TOLLIP: variants seen among roughly 807,000 people sequenced by gnomAD.
TOLLIP encodes toll-interacting protein.
TOLLIP carries 16 observed loss-of-function variants against 33.5 expected under a neutral mutation model. That is an observed-to-expected ratio of 0.48 (90% CI 0.32 to 0.72). The LOEUF (loss-of-function observed/expected upper bound fraction) is 0.72. Ranked by LOEUF, TOLLIP falls within the 30% of genes least tolerant of loss-of-function variation. TOLLIP has a pLI of 0.03. For synonymous variants in TOLLIP, 176 were observed against 163.7 expected (o/e 1.07, Z -0.57); for missense variants, 325 against 396.6 (o/e 0.82, Z 1.53).
At position 1,302,473 on chromosome 11, in the gene TOLLIP, T is replaced by C. The variant is rs919869714; in HGVS notation, c.34-6679A>G. ...CTGCCATTGCCCTGTAAGTTTAGCATTTTCCAAAATAAGGCTAGAAGGAAA... is the reference window on the plus strand; with the variant it reads ...CTGCCATTGCCCTGTAAGTTTAGCACTTTCCAAAATAAGGCTAGAAGGAAA... On this transcript the variant is annotated intron_variant, in intron 1 of 5. Coordinates refer to ENST00000317204, the MANE Select transcript of TOLLIP (RefSeq NM_019009.4). 3 of 722,088 alleles carry C rather than the reference T, an allele frequency of 4.2e-6. No individual in the cohort carries two copies. The South Asian group carries it at 1.8e-4, about 44-fold the overall frequency. The allele number at this position is 722,088 out of a possible 1,614,324, so 44.7% of individuals were successfully genotyped here.
At chr11:1,281,039 T>C (rs1192648201) in intron 5 of TOLLIP, among the ~76,000 whole-genome samples, 2 of 152,256 alleles carry the variant, frequency 1.3e-5, no homozygotes, top group Non-Finnish European at 2.9e-5. Flanking sequence ...ACATGCTTCA[T>C]GAGGCCACGC....
rs936636982 is a variant in TOLLIP at position 1,295,719 on chromosome 11, C to T, written c.109G>A (p.Ala37Thr). The part of the protein sequence containing the change: ...TQQQRQVQLD[A>T]QAAQQLQYGG... ...TACTGCAGCTGCTGGGCCGCCTGGG[C>T]GTCCAGCTGGACCTGCCGCTGCTGC... The change falls in exon 2 of 6, where the codon GCC becomes ACC. Residue 37 changes from alanine to threonine, a missense_variant. Coordinates refer to ENST00000317204, the MANE Select transcript of TOLLIP (RefSeq NM_019009.4). The T allele has an allele frequency of 6.8e-6, 11 of 1,610,110 alleles. No individual in the cohort carries two copies. Among genetic ancestry groups the T allele is most frequent in the Admixed American group, 3.3e-5 (2 of 59,750 alleles).
chr11:1,290,403 A>G lies in TOLLIP; in HGVS notation c.190T>C (p.Leu64=). The change falls in exon 3 of 6, where the codon TTG becomes CTG. Residue 64 remains leucine, a synonymous_variant. Transcript: ENST00000317204. This position sits in a 1 kb window ranked among gnomAD's most constrained non-coding sequence, Gnocchi z 4.9. Reference sequence around the variant, plus strand: ...CGGGTCATGCCGTAATTCTTGGCCAACTTTGCCTGGAATGAAGCCAATGTC... The same window carrying G: ...CGGGTCATGCCGTAATTCTTGGCCAGCTTTGCCTGGAATGAAGCCAATGTC... ...RLNITVVQAK[L]AKNYGMTRMD... 1 of 1,610,434 alleles carries G rather than the reference A, an allele frequency of 6.2e-7. No individual in the cohort carries two copies. The highest frequency in any genetic ancestry group is 8.5e-7 in the Non-Finnish European group (1 of 1,177,480).
At chr11:1,307,323 G>A (rs981192799) in intron 1 of TOLLIP, among the ~76,000 whole-genome samples, 1 of 152,214 alleles carries the variant, frequency 6.6e-6, no homozygotes, top group Non-Finnish European at 1.5e-5. Context: ...GAGGCACTGG[G>A]CAAGAGGAGA....
rs1459949990 is a variant in TOLLIP, at chr11:1,287,445, G to A, written c.519+1179C>T. ...GCACCCTCCCCGCCGCAGCCTCCCC[G>A]CCGCACCCTCCCCGCCGCAGCCTCC... is the stretch of plus-strand genomic sequence containing the variant. On this transcript the variant is annotated intron_variant, in intron 4 of 5. Coordinates refer to ENST00000317204, the MANE Select transcript of TOLLIP (RefSeq NM_019009.4). 1.6e-3 allele frequency among the ~76,000 whole-genome samples: 22 copies of A among 13,984 alleles called. 1 individual carries two copies. The highest frequency in any genetic ancestry group is 3.3e-3 in the Non-Finnish European group (21 of 6,344). The allele number at this position is 13,984 out of a possible 152,430, so 9.2% of individuals were successfully genotyped here.
At position 1,290,727 on chromosome 11, in the gene TOLLIP, C is replaced by T. The variant is rs1298116554; in HGVS notation, c.184-318G>A. 6.6e-6 allele frequency among the ~76,000 whole-genome samples: 1 copy of T among 152,154 alleles called. No individual in the cohort carries two copies. Among genetic ancestry groups the T allele is most frequent in the Non-Finnish European group, 1.5e-5 (1 of 68,028 alleles). On this transcript the variant is annotated intron_variant, in intron 2 of 5. Transcript: ENST00000317204. The surrounding 1 kb of genome is among the most constrained non-coding windows in gnomAD (Gnocchi z 4.9). ...AGGGCGCACTCTCTAATGCCCTCCT[C>T]AGAAGTGGCTGAGGAGGGAAAGAGG...
Position 1,276,629 on chromosome 11 carries a change from G to C in TOLLIP, c.*410C>G, listed in dbSNP as rs752257387. ...AAACCCACAGTGTGAGGGATTGTGT[G>C]TGCCTTAAATCAACAGCTCTATTCC... On this transcript the variant is annotated 3_prime_UTR_variant, in exon 6 of 6. Transcript: ENST00000317204. The C allele has an allele frequency of 1.6e-6, 2 of 1,279,782 alleles. No homozygotes were observed. Among genetic ancestry groups the C allele is most frequent in the South Asian group, 2.5e-5 (2 of 80,652 alleles). The allele number at this position is 1,279,782 out of a possible 1,614,324, so 79.3% of individuals were successfully genotyped here.
chr11:1,285,384 C>T (rs1863657107), intron 5 of TOLLIP, among the ~76,000 whole-genome samples: 2 of 152,254 alleles, frequency 1.3e-5, no homozygotes, highest in African/African-American at 4.8e-5. Context: ...CGGCTGGGCC[C>T]ATCCATGGTG....
Position 1,276,647 on chromosome 11 carries a change from T to A in TOLLIP, c.*392A>T. 7.6e-7 allele frequency: 1 copy of A among 1,316,926 alleles called. No homozygotes were observed. Among genetic ancestry groups the A allele is most frequent in the Non-Finnish European group, 9.9e-7 (1 of 1,006,616 alleles). 81.6% of individuals were successfully genotyped at this position (1,316,926 alleles called of 1,614,324 possible). On this transcript the variant is annotated 3_prime_UTR_variant, in exon 6 of 6. Coordinates refer to ENST00000317204, the MANE Select transcript of TOLLIP (RefSeq NM_019009.4). ...ATTGTGTGTGCCTTAAATCAACAGC[T>A]CTATTCCAATTACATCACATCACAA...
At chr11:1,295,938 C>T (rs951311126) in intron 1 of TOLLIP, 144 bp from the exon 2 acceptor site, 11 of 1,105,858 alleles carry the variant, frequency 9.9e-6, no homozygotes, top group Non-Finnish European at 1.2e-5. Context: ...TCAGTTTCCT[C>T]ATCTCTAAAC....
chr11:1,285,432 C>A (rs1590211083), intron 5 of TOLLIP, among the ~76,000 whole-genome samples: 1 of 152,258 alleles, frequency 6.6e-6, no homozygotes, highest in South Asian at 2.1e-4. Flanking sequence ...ACAGTCACAG[C>A]TGGACCGAAA....
intron 1 of TOLLIP, chr11:1,298,174 C>A (rs1490995691): frequency 6.6e-6 from 1 of 152,328 alleles, no homozygotes; most frequent in Admixed American, 6.5e-5. Flanking sequence ...TTATTTGTGA[C>A]AACTGCTTCC....
chr11:1,291,185 CTG>C (rs1564973048), intron 2 of TOLLIP: 1 of 152,294 alleles, frequency 6.6e-6, no homozygotes, highest in Non-Finnish European at 1.5e-5. Context: ...AAACCTAAAA[CTG>C]TAAAACCTTT....
At chr11:1,301,683 C>T (rs1204449975) in intron 1 of TOLLIP, among the ~76,000 whole-genome samples, 1 of 152,168 alleles carries the variant, frequency 6.6e-6, no homozygotes, top group East Asian at 1.9e-4. Flanking sequence ...CACGGAGGCC[C>T]CAACACAGAA....
At position 1,291,359 on chromosome 11, in the gene TOLLIP, T is replaced by C. The variant is rs572085828; in HGVS notation, c.184-950A>G. Among the ~76,000 whole-genome samples the C allele has an allele frequency of 2.0e-4, 30 of 152,106 alleles. No individual in the cohort carries two copies. In the South Asian group the frequency reaches 5.2e-3, roughly 26 times the overall value. On this transcript the variant is annotated intron_variant, in intron 2 of 5. Coordinates refer to ENST00000317204, the MANE Select transcript of TOLLIP (RefSeq NM_019009.4). ...CCGGCTCACCCCCAGGAGCTGGTGA[T>C]AGAGACCCCGGGAGCCATCCCGGCC...
intron 1 of TOLLIP, among the ~76,000 whole-genome samples, chr11:1,299,563 T>C (rs375482671): frequency 6.6e-6 from 1 of 152,226 alleles, no homozygotes; most frequent in African/African-American, 2.4e-5. Context: ...ACTATTTCAA[T>C]GGTCACATAA....
At chr11:1,292,848 G>C (rs113801730) in intron 2 of TOLLIP, among the ~76,000 whole-genome samples, 4 of 152,264 alleles carry the variant, frequency 2.6e-5, no homozygotes, top group Admixed American at 6.5e-5. Context: ...TAGGAGGACC[G>C]GGTATGCGGG....
intron 3 of TOLLIP, among the ~76,000 whole-genome samples, chr11:1,289,198 A>G (rs918616462): frequency 6.6e-6 from 1 of 152,104 alleles, no homozygotes; most frequent in Non-Finnish European, 1.5e-5. Context: ...TGCCTCCCAC[A>G]GCTGACTCTG....
At chr11:1,301,306 A>G (rs893804852) in intron 1 of TOLLIP, among the ~76,000 whole-genome samples, 1 of 152,248 alleles carries the variant, frequency 6.6e-6, no homozygotes, top group African/African-American at 2.4e-5. Context: ...GTGGAATTAA[A>G]TCACAAAATG....
Sources: gnomAD v4.1 joint callset for allele counts (sites outside exome capture counted in the v4.1 genomes callset) on GRCh38, gnomAD v4.1.1 for gene constraint, Gnocchi (gnomAD v3.1) non-coding constraint, MANE v1.5 for transcripts, NCBI Gene and HGNC (gene_info 2026-07-23, HGNC 2026-07-21) for gene names.